The following PTPRD variants were observed in gnomAD, a reference collection of about 807,000 sequenced individuals.
The protein encoded by PTPRD is receptor-type tyrosine-protein phosphatase delta.
A neutral mutation model predicts 214.5 loss-of-function variants in PTPRD; 34 were observed. That is an observed-to-expected ratio of 0.16 (90% confidence interval 0.12 to 0.21). The LOEUF (loss-of-function observed/expected upper bound fraction) is 0.21, where lower values mean the gene tolerates loss of function less well. Among genes scored for constraint, PTPRD ranks in the 10% least tolerant of loss-of-function variants. The pLI, the probability that PTPRD is intolerant of heterozygous loss-of-function variation, is 1.00. For missense variants in PTPRD, 2,545 were observed against 2,398.7 expected (o/e 1.06, Z -1.27); for synonymous variants, 1,128 against 845.7 (o/e 1.33, Z -5.79).
At chr9:10,470,590 T>C (rs1462908299) in intron 2 of PTPRD, among the ~76,000 whole-genome samples, 2 of 152,142 alleles carry the variant, frequency 1.3e-5, no homozygotes, top group Non-Finnish European at 2.9e-5. Flanking sequence ...ATAAATGGGA[T>C]AGACTAGGGT....
chr9:9,162,195 A>C (rs1227765197), intron 10 of PTPRD, among the ~76,000 whole-genome samples: 1 of 152,160 alleles, frequency 6.6e-6, no homozygotes, highest in Non-Finnish European at 1.5e-5. Flanking sequence ...ACTTTGCTAA[A>C]CACTGCTACA....
intron 5 of PTPRD, among the ~76,000 whole-genome samples, chr9:9,930,017 C>A (rs1177240156): frequency 6.6e-6 from 1 of 152,124 alleles, no homozygotes; most frequent in African/African-American, 2.4e-5. Flanking sequence ...GATACTCAGT[C>A]TGTAGGAAAC....
intron 3 of PTPRD, among the ~76,000 whole-genome samples, chr9:10,254,678 C>A (rs1295635002): frequency 6.6e-6 from 1 of 151,950 alleles, no homozygotes; most frequent in Non-Finnish European, 1.5e-5. Context: ...CTTTTGACTG[C>A]CAGATGTGGG....
intron 8 of PTPRD, among the ~76,000 whole-genome samples, chr9:9,527,414 T>C (rs1290553458): frequency 2.6e-5 from 4 of 152,214 alleles, no homozygotes; most frequent in African/African-American, 9.6e-5. Context: ...ACCATGTCAC[T>C]ATCTTGTCAG....
At chr9:9,852,574 A>G (rs1254198168) in intron 5 of PTPRD, among the ~76,000 whole-genome samples, 2 of 152,086 alleles carry the variant, frequency 1.3e-5, no homozygotes, top group Non-Finnish European at 2.9e-5. Flanking sequence ...TTATATAAAA[A>G]CTAGATATAA....
intron 44 of PTPRD, among the ~76,000 whole-genome samples, chr9:8,330,758 A>G (rs1046109644): frequency 6.6e-6 from 1 of 152,148 alleles, no homozygotes; most frequent in African/African-American, 2.4e-5. Flanking sequence ...TATTTGTCCT[A>G]TTTTGAGATC....
At chr9:9,761,418 A>G (rs1370302614) in intron 6 of PTPRD, among the ~76,000 whole-genome samples, 1 of 152,166 alleles carries the variant, frequency 6.6e-6, no homozygotes, top group Non-Finnish European at 1.5e-5. Context: ...AGGTGAGTGT[A>G]GTTATAAAAA....
intron 2 of PTPRD, among the ~76,000 whole-genome samples, chr9:10,371,191 G>A (rs989978888): frequency 2.0e-5 from 3 of 151,490 alleles, no homozygotes; most frequent in African/African-American, 7.3e-5. Context: ...GTTAGATATT[G>A]TCCACTGAAG....
At chr9:9,365,215 T>A (rs1057411974) in intron 9 of PTPRD, among the ~76,000 whole-genome samples, 3 of 151,568 alleles carry the variant, frequency 2.0e-5, no homozygotes, top group African/African-American at 7.3e-5. Context: ...AAGTTGCCAC[T>A]TAGCTTAAGA....
At chr9:9,800,126 G>C (rs2099029399) in intron 5 of PTPRD, among the ~76,000 whole-genome samples, 1 of 152,038 alleles carries the variant, frequency 6.6e-6, no homozygotes. Flanking sequence ...CATTTTGGAA[G>C]TCCTGCATAC....
chr9:8,880,255 T>C (rs971518708), intron 11 of PTPRD, among the ~76,000 whole-genome samples: 3 of 152,128 alleles, frequency 2.0e-5, no homozygotes, highest in Non-Finnish European at 4.4e-5. Flanking sequence ...AATCACTGAA[T>C]AAACAGCATA....
At chr9:8,701,206 G>A (rs1006738510) in intron 12 of PTPRD, among the ~76,000 whole-genome samples, 3 of 151,612 alleles carry the variant, frequency 2.0e-5, no homozygotes, top group South Asian at 2.1e-4. Flanking sequence ...TAATTCAGGG[G>A]GAAAAAAAAT....
chr9:10,146,202 T>C (rs897567347), intron 3 of PTPRD, among the ~76,000 whole-genome samples: 1 of 150,390 alleles, frequency 6.6e-6, no homozygotes, highest in South Asian at 2.1e-4. Flanking sequence ...TGCACACATA[T>C]ATACATACAT....
intron 9 of PTPRD, among the ~76,000 whole-genome samples, chr9:9,316,606 A>T (rs553846999): frequency 6.6e-6 from 1 of 152,258 alleles, no homozygotes; most frequent in South Asian, 2.1e-4. Flanking sequence ...GTAGGGGAAG[A>T]GTAGGTTAAG....
intron 4 of PTPRD, among the ~76,000 whole-genome samples, chr9:9,951,478 A>T (rs1201067926): frequency 1.3e-5 from 2 of 152,160 alleles, no homozygotes; most frequent in East Asian, 3.9e-4. Flanking sequence ...CTAGGGAGGG[A>T]CACTTGAGCG....
chr9:10,387,308 T>C (rs2097935142), intron 2 of PTPRD, among the ~76,000 whole-genome samples: 1 of 151,916 alleles, frequency 6.6e-6, no homozygotes, highest in Non-Finnish European at 1.5e-5. Flanking sequence ...ATGAGCCATA[T>C]GTTTTTTCTT....
At chr9:9,053,424 T>A (rs75199204) in intron 10 of PTPRD, among the ~76,000 whole-genome samples, 2 of 152,206 alleles carry the variant, frequency 1.3e-5, no homozygotes, top group East Asian at 3.9e-4. Flanking sequence ...ATTGATGATG[T>A]CTGCTCTATA....
intron 2 of PTPRD, among the ~76,000 whole-genome samples, chr9:10,564,094 G>A (rs1008150604): frequency 6.7e-6 from 1 of 148,496 alleles, no homozygotes; most frequent in Middle Eastern, 3.2e-3. Context: ...CAGCCTCTGG[G>A]GCTCAAGTAA....
intron 3 of PTPRD, among the ~76,000 whole-genome samples, chr9:10,042,936 T>C (rs1053455832): frequency 6.6e-6 from 1 of 152,070 alleles, no homozygotes; most frequent in East Asian, 1.9e-4. Context: ...ATGTAAACAG[T>C]TGAAGAGTTT....
Sources: gnomAD v4.1 joint callset for allele counts (sites outside exome capture counted in the v4.1 genomes callset) on GRCh38, gnomAD v4.1.1 for gene constraint, MANE v1.5 for transcripts, NCBI Gene and HGNC (gene_info 2026-07-23, HGNC 2026-07-21) for gene names.